The following IGF1R variants were observed in gnomAD, a reference collection of about 807,000 sequenced individuals.
IGF1R encodes the protein insulin like growth factor 1 receptor.
In IGF1R, 44 loss-of-function variants were observed where a neutral mutation model predicts 144.6. The ratio of observed to expected loss-of-function variants is 0.30; its 90% CI spans 0.24 to 0.39. The LOEUF is 0.39. Among genes scored for constraint, IGF1R ranks in the 10% least tolerant of loss-of-function variants. The pLI, the probability that IGF1R is intolerant of heterozygous loss-of-function variation, is 1.00. For missense variants in IGF1R, 1,355 were observed against 1,833.7 expected (o/e 0.74, Z 4.77); for synonymous variants, 795 against 722.8 (o/e 1.10, Z -1.60).
intron 1 of IGF1R, among the ~76,000 whole-genome samples, chr15:98,687,829 A>G (rs2053367672): frequency 6.6e-6 from 1 of 152,206 alleles, no homozygotes; most frequent in African/African-American, 2.4e-5. Context: ...GCCTGTTTTT[A>G]TCTTCAGATT....
intron 1 of IGF1R, among the ~76,000 whole-genome samples, chr15:98,705,161 T>C (rs2053831471): frequency 6.6e-6 from 1 of 152,068 alleles, no homozygotes; most frequent in African/African-American, 2.4e-5. Context: ...AGGAAAAGGT[T>C]GAGGATAGCA....
At chr15:98,845,735 C>G (rs2011304297) in intron 2 of IGF1R, among the ~76,000 whole-genome samples, 1 of 151,884 alleles carries the variant, frequency 6.6e-6, no homozygotes, top group Admixed American at 6.6e-5. Context: ...CCTAGTGATC[C>G]TGGTGGGGAA....
At chr15:98,874,511 C>T (rs796554274) in intron 2 of IGF1R, among the ~76,000 whole-genome samples, 16 of 152,252 alleles carry the variant, frequency 1.1e-4, no homozygotes, top group African/African-American at 2.4e-4. Flanking sequence ...GAGATCTTTT[C>T]GGTGAAGTAG....
chr15:98,922,803 G>C (rs148477742), intron 11 of IGF1R, among the ~76,000 whole-genome samples: 155 of 152,352 alleles, frequency 1.0e-3, no homozygotes, highest in Non-Finnish European at 1.7e-3. Context: ...GATGTCTCCA[G>C]TTAGTTGCCT....
intron 1 of IGF1R, among the ~76,000 whole-genome samples, chr15:98,697,968 C>A (rs2141243639): frequency 6.7e-6 from 1 of 150,366 alleles, no homozygotes; most frequent in African/African-American, 2.4e-5. Flanking sequence ...TTCCTGGCCT[C>A]AAGTGATCCC....
chr15:98,686,135 A>G (rs781400605), intron 1 of IGF1R, among the ~76,000 whole-genome samples: 10 of 152,178 alleles, frequency 6.6e-5, no homozygotes, highest in Non-Finnish European at 1.5e-4. Context: ...CTCGTACACT[A>G]TTTGTCCTTT....
intron 1 of IGF1R, among the ~76,000 whole-genome samples, chr15:98,688,686 C>T (rs1057421446): frequency 2.6e-5 from 4 of 151,808 alleles, no homozygotes; most frequent in Admixed American, 6.6e-5. Context: ...AAAATGGTAT[C>T]ACAGATGCTT....
chr15:98,832,163 C>T lies in IGF1R; in HGVS notation c.641-59162C>T, dbSNP rs183478672. On this transcript the variant is annotated intron_variant, in intron 2 of 20. Transcript: ENST00000650285. ...CTCACATTGTTTTTGTCTTCTGTCC[C>T]TCTACTTCTATGTAATTCTATTATT... Among the ~76,000 whole-genome samples the T allele has an allele frequency of 1.1e-3, 164 of 152,230 alleles. 1 individual carries two copies. Among genetic ancestry groups the T allele is most frequent in the African/African-American group, 3.6e-3 (149 of 41,524 alleles).
chr15:98,933,475 C>G (rs147800087), intron 15 of IGF1R, among the ~76,000 whole-genome samples: 12 of 152,062 alleles, frequency 7.9e-5, no homozygotes, highest in African/African-American at 2.9e-4. Flanking sequence ...CCCTGAGTAG[C>G]TGGGATTCCA....
At chr15:98,693,682 T>G (rs1245493636) in intron 1 of IGF1R, among the ~76,000 whole-genome samples, 3 of 152,224 alleles carry the variant, frequency 2.0e-5, no homozygotes, top group Non-Finnish European at 4.4e-5. Context: ...CTCGGCTAAC[T>G]GCAACCTCTG....
At chr15:98,881,262 A>G (rs949188575) in intron 2 of IGF1R, among the ~76,000 whole-genome samples, 1 of 152,120 alleles carries the variant, frequency 6.6e-6, no homozygotes, top group Non-Finnish European at 1.5e-5. Context: ...TAAATGGAAA[A>G]GTAGCATGAG....
chr15:98,914,051 T>C (rs1166295754), intron 8 of IGF1R, among the ~76,000 whole-genome samples: 1 of 152,202 alleles, frequency 6.6e-6, no homozygotes, highest in Non-Finnish European at 1.5e-5. Flanking sequence ...CTGGCAGATT[T>C]GGTGTCTGGT....
In IGF1R at chr15:98,957,535, C is replaced by T. The variant is rs2017054828; in HGVS notation, c.*93C>T. ...GAGTTTTAACAATCCATTCACAAGC[C>T]TCCTGTACCTCAGTGGATCTTCAGA... On this transcript the variant is annotated 3_prime_UTR_variant, in exon 21 of 21. Transcript: ENST00000650285. 6.6e-7 allele frequency: 1 copy of T among 1,512,842 alleles called. No homozygotes were observed. Among genetic ancestry groups the T allele is most frequent in the Admixed American group, 1.7e-5 (1 of 57,930 alleles). The allele number at this position is 1,512,842 out of a possible 1,614,324, so 93.7% of individuals were successfully genotyped here. A position where few individuals can be genotyped will look rare whatever the true frequency, so the allele number is the denominator to read the frequency against.
intron 1 of IGF1R, among the ~76,000 whole-genome samples, chr15:98,695,797 G>T (rs1383266117): frequency 6.6e-6 from 1 of 152,078 alleles, no homozygotes; most frequent in Non-Finnish European, 1.5e-5. Context: ...TCCTCCAGCA[G>T]GGTCATAAAG....
intron 2 of IGF1R, among the ~76,000 whole-genome samples, chr15:98,750,275 C>T (rs1024156674): frequency 2.0e-5 from 3 of 152,070 alleles, no homozygotes; most frequent in Non-Finnish European, 2.9e-5. Context: ...GGCAGTTTTG[C>T]GCTTCTCCCT....
chr15:98,734,716 T>C (rs985329351), intron 2 of IGF1R: 10 of 152,254 alleles, frequency 6.6e-5, no homozygotes, highest in African/African-American at 2.4e-4. Context: ...GTGTAACCTT[T>C]GGAGGCTTCC....
chr15:98,697,400 T>C (rs535509426), intron 1 of IGF1R, among the ~76,000 whole-genome samples: 14 of 152,306 alleles, frequency 9.2e-5, no homozygotes, highest in African/African-American at 3.1e-4. Flanking sequence ...TGCCTGCTTG[T>C]GGCTGTGTGC....
intron 15 of IGF1R, among the ~76,000 whole-genome samples, chr15:98,934,511 G>T (rs763445385): frequency 1.3e-5 from 2 of 152,130 alleles, no homozygotes; most frequent in Admixed American, 6.5e-5. Context: ...GTGATGAAAA[G>T]AAATTTTTAA....
Position 98,704,884 on chromosome 15 carries a change from TG to T in IGF1R, c.95-2676del, listed in dbSNP as rs1012148349. Among the ~76,000 whole-genome samples, 2 of 152,126 alleles carry T rather than the reference TG, an allele frequency of 1.3e-5. No homozygotes were observed. The highest frequency in any genetic ancestry group is 4.8e-5 in the African/African-American group (2 of 41,412). ...GAGCGGAAGCCCTGAGGTCTGTTGC[TG>T]GACTAGATATGTGAGGTGTGAGAGG... On this transcript the variant is annotated intron_variant, in intron 1 of 20. Coordinates refer to ENST00000650285, the MANE Select transcript of IGF1R (RefSeq NM_000875.5). The surrounding 1 kb of genome is among the most constrained non-coding windows in gnomAD (Gnocchi z 4.9).
Sources: allele counts gnomAD v4.1 joint callset (sites outside exome capture counted in the v4.1 genomes callset), GRCh38; gene constraint gnomAD v4.1.1; non-coding constraint Gnocchi (gnomAD v3.1); transcripts MANE v1.5; gene names NCBI Gene and HGNC (gene_info 2026-07-23, HGNC 2026-07-21).